The following RANBP17 variants were observed in gnomAD, a reference collection of about 807,000 sequenced individuals.
RANBP17 encodes the protein RAN binding protein 17.
Under a neutral mutation model 141.2 loss-of-function variants are expected in RANBP17, and 158 were observed. That is an observed-to-expected ratio of 1.12 (90% CI 0.98 to 1.28). RANBP17 has a LOEUF of 1.28. RANBP17 is among the 50% of genes most tolerant of loss of function. RANBP17 has a pLI of 0.00. For synonymous variants in RANBP17, 430 were observed against 450.0 expected (o/e 0.96, Z 0.56); for missense variants, 1,438 against 1,290.7 (o/e 1.11, Z -1.75).
chr5:171,215,523 G>A (rs368711559), intron 21 of RANBP17, among the ~76,000 whole-genome samples: 2 of 152,216 alleles, frequency 1.3e-5, no homozygotes, highest in Non-Finnish European at 2.9e-5. Context: ...CCCACCAACA[G>A]TGTAAAAGCA....
At chr5:170,997,070 C>T (rs1778866627) in intron 14 of RANBP17, among the ~76,000 whole-genome samples, 1 of 152,098 alleles carries the variant, frequency 6.6e-6, no homozygotes, top group African/African-American at 2.4e-5. Context: ...ATGCTGTTCT[C>T]GTGATAGTGA....
intron 27 of RANBP17, 105 bp from the exon 28 acceptor site, chr5:171,298,657 A>AG (rs1561838945): frequency 1.4e-6 from 1 of 725,548 alleles, no homozygotes; most frequent in Admixed American, 2.4e-5. Context: ...GTCCTCCAGG[A>AG]GGGGGCTCCC....
chr5:171,267,232 T>C (rs1766780257), intron 25 of RANBP17, among the ~76,000 whole-genome samples: 1 of 149,456 alleles, frequency 6.7e-6, no homozygotes, highest in Non-Finnish European at 1.5e-5. Context: ...AGAAGGAGTT[T>C]TGCCACGTTG....
At chr5:170,968,092 AG>A (rs1273770087) in intron 13 of RANBP17, 149 bp from the exon 14 acceptor site, 2 of 560,742 alleles carry the variant, frequency 3.6e-6, no homozygotes, top group African/African-American at 3.9e-5. Context: ...GTAGGATTTC[AG>A]ATGATTCAAA....
At chr5:171,089,252 C>G (rs1490882037) in intron 14 of RANBP17, among the ~76,000 whole-genome samples, 1 of 102,268 alleles carries the variant, frequency 9.8e-6, no homozygotes, top group African/African-American at 2.9e-5. Flanking sequence ...CTGGGGGGGG[C>G]CTCCCAGTTA....
At chr5:171,080,789 A>G (rs897639523) in intron 14 of RANBP17, among the ~76,000 whole-genome samples, 7 of 152,192 alleles carry the variant, frequency 4.6e-5, no homozygotes, top group Non-Finnish European at 8.8e-5. Flanking sequence ...AACATTCTGC[A>G]TAGAACACTC....
chr5:171,023,196 G>A lies in RANBP17; in HGVS notation c.1710+54819G>A, dbSNP rs1190777620. ...TTCTTTTTAATGGGACCCTCTGAAC[G>A]CCGCTGTTCTGTTTCTAGTCGGCCA... On this transcript the variant is annotated intron_variant, in intron 14 of 27. Coordinates refer to ENST00000523189, the MANE Select transcript of RANBP17 (RefSeq NM_022897.5). Among the ~76,000 whole-genome samples the A allele has an allele frequency of 7.9e-5, 12 of 152,198 alleles. No homozygotes were observed. The East Asian group carries it at 1.9e-3, about 24-fold the overall frequency.
chr5:171,145,539 C>A (rs1023367664), intron 14 of RANBP17, among the ~76,000 whole-genome samples: 1 of 152,134 alleles, frequency 6.6e-6, no homozygotes, highest in Non-Finnish European at 1.5e-5. Flanking sequence ...GTCCTCCATA[C>A]TTTTATCAAC....
At chr5:171,135,351 A>C (rs1488126818) in intron 14 of RANBP17, among the ~76,000 whole-genome samples, 1 of 152,144 alleles carries the variant, frequency 6.6e-6, no homozygotes, top group Non-Finnish European at 1.5e-5. Context: ...CTTTTTTAAA[A>C]AGCAAAAATT....
chr5:170,953,273 T>C (rs1230953629), intron 12 of RANBP17, among the ~76,000 whole-genome samples: 1 of 152,130 alleles, frequency 6.6e-6, no homozygotes, highest in Admixed American at 6.6e-5. Flanking sequence ...CAGTCATGTC[T>C]TCATGGTAGA....
rs760249706 is a variant in RANBP17 at position 170,919,481 on chromosome 5, C to G, written c.1142C>G (p.Thr381Ser). ...FAPNSVHYLL[T>S]LWQRMVASVP... is the part of the protein sequence containing the mutation. ...CCTAACAGTGTTCATTATTTATTAACTCTGTGGCAAAGGATGGTAGCATCT... is the reference window on the plus strand; with the variant it reads ...CCTAACAGTGTTCATTATTTATTAAGTCTGTGGCAAAGGATGGTAGCATCT... Residue 381 changes from threonine to serine, a missense_variant, in exon 11 of 28, where the codon ACT (threonine) becomes AGT (serine). By Grantham distance (58) the Thr-to-Ser change is moderately conservative (BLOSUM62 1). Transcript: ENST00000523189. 6.2e-6 allele frequency: 10 copies of G among 1,608,728 alleles called. No individual in the cohort carries two copies. The highest frequency in any genetic ancestry group is 8.5e-6 in the Non-Finnish European group (10 of 1,178,082).
At chr5:171,105,550 A>G (rs192210490) in intron 14 of RANBP17, among the ~76,000 whole-genome samples, 65 of 151,972 alleles carry the variant, frequency 4.3e-4, no homozygotes, top group African/African-American at 1.5e-3. Context: ...ATATATACAT[A>G]TATTTTTAAA....
At chr5:171,052,183 T>C (rs1782996702) in intron 14 of RANBP17, among the ~76,000 whole-genome samples, 1 of 152,186 alleles carries the variant, frequency 6.6e-6, no homozygotes, top group Non-Finnish European at 1.5e-5. Flanking sequence ...TTTGCAAATA[T>C]GTTCTCCCTT....
At chr5:170,940,644 A>G (rs942741616) in intron 12 of RANBP17, among the ~76,000 whole-genome samples, 1 of 152,182 alleles carries the variant, frequency 6.6e-6, no homozygotes, top group South Asian at 2.1e-4. Context: ...CAGACTTGCC[A>G]TCATAATGGA....
rs572944523 is a variant in RANBP17 at position 171,232,315 on chromosome 5, A to G, written c.2423-8613A>G. 1.4e-3 allele frequency among the ~76,000 whole-genome samples: 207 copies of G among 152,334 alleles called. No individual in the cohort carries two copies. The Middle Eastern group carries it at 0.031, about 23-fold the overall frequency. On this transcript the variant is annotated intron_variant, in intron 22 of 27. Coordinates refer to ENST00000523189, the MANE Select transcript of RANBP17 (RefSeq NM_022897.5). ...CTTGAGAGTTCAGAAACAAAATTAC[A>G]TCAGTGCTGAAATTCCATCTTCTAT...
chr5:170,994,790 G>A (rs1778712732), intron 14 of RANBP17, among the ~76,000 whole-genome samples: 1 of 151,944 alleles, frequency 6.6e-6, no homozygotes, highest in African/African-American at 2.4e-5. Flanking sequence ...AATTATCAAC[G>A]AGTTTAAGCT....
chr5:170,877,983 CAT>C (rs1372984032), intron 1 of RANBP17, 112 bp from the exon 2 acceptor site: 3 of 660,030 alleles, frequency 4.5e-6, no homozygotes, highest in African/African-American at 3.7e-5. Context: ...TATCGATAAA[CAT>C]GTATTGAATT....
chr5:171,171,189 CTT>C lies in RANBP17; in HGVS notation c.1785-11_1785-10del. On this transcript the variant is annotated splice_polypyrimidine_tract_variant and intron_variant, in intron 15 of 27. Transcript: ENST00000523189. ...CAAATATCTTACTTATAATTAAAGA[CTT>C]TTTTTCATATTTAGTGTTACAAACC... 2 of 1,438,500 alleles carry C rather than the reference CTT, an allele frequency of 1.4e-6. No homozygotes were observed. The highest frequency in any genetic ancestry group is 1.2e-5 in the South Asian group (1 of 82,030). 89.1% of individuals were successfully genotyped at this position (1,438,500 alleles called of 1,614,324 possible). A position where few individuals can be genotyped will look rare whatever the true frequency, so the allele number is the denominator to read the frequency against.
chr5:171,215,920 T>C (rs1382703207), intron 21 of RANBP17, among the ~76,000 whole-genome samples: 1 of 152,198 alleles, frequency 6.6e-6, no homozygotes, highest in Non-Finnish European at 1.5e-5. Flanking sequence ...TTAGATCCCG[T>C]TTGTCAATGT....
Sources: allele counts gnomAD v4.1 joint callset (sites outside exome capture counted in the v4.1 genomes callset), GRCh38; gene constraint gnomAD v4.1.1; transcripts MANE v1.5; gene names NCBI Gene and HGNC (gene_info 2026-07-23, HGNC 2026-07-21).